The following MGST1 variants were observed in gnomAD, a reference collection of about 807,000 sequenced individuals.
The protein encoded by MGST1 is glutathione S-transferase 12.
A neutral mutation model predicts 8.9 loss-of-function variants in MGST1; 5 were observed. The ratio of observed to expected loss-of-function variants is 0.56; its 90% CI spans 0.29 to 1.19. The LOEUF is 1.19. MGST1 is among the 50% of genes most tolerant of loss of function. The pLI, the probability that MGST1 is intolerant of heterozygous loss-of-function variation, is 0.08. For synonymous variants in MGST1, 54 were observed against 67.8 expected, an observed-to-expected ratio of 0.80 and a Z score of 1.00; for missense variants, 182 against 187.4, an observed-to-expected ratio of 0.97 and a Z score of 0.17.
intron 4 of MGST1, among the ~76,000 whole-genome samples, chr12:16,527,523 C>G (rs576549142): frequency 1.3e-5 from 2 of 151,926 alleles, no homozygotes; most frequent in Non-Finnish European, 2.9e-5. Context: ...GATTATAAAA[C>G]AAGTTGTTAA....
Position 16,547,191 on chromosome 12 carries a change from A to G in MGST1, n.483-42337A>G, listed in dbSNP as rs1485064711. ...CTTCGTTTATGATACTAATCACACA[A>G]TTACCTACAGGCATGTGTTAAACTT... On this transcript the variant is annotated intron_variant and non_coding_transcript_variant, in intron 4 of 4. Coordinates refer to the MGST1 transcript ENST00000538857. The surrounding 1 kb of genome is among the most constrained non-coding windows in gnomAD (Gnocchi z 4.6). Among the ~76,000 whole-genome samples, 8 of 152,132 alleles carry G rather than the reference A, an allele frequency of 5.3e-5. 1 individual carries two copies. In the South Asian group the frequency reaches 6.2e-4, roughly 12 times the overall value.
rs1187690261 is a variant in MGST1 at position 16,582,449 on chromosome 12, G to GT, written n.483-7078dup. ...TTATATTTTATATTGTCTTTATCAG[G>GT]TCAAGGTACTGTATTAGAGTTATGT... On this transcript the variant is annotated intron_variant and non_coding_transcript_variant, in intron 4 of 4. Coordinates refer to the MGST1 transcript ENST00000538857. The surrounding 1 kb of genome is among the most constrained non-coding windows in gnomAD (Gnocchi z 4.1). Among the ~76,000 whole-genome samples, 1 of 152,132 alleles carries GT rather than the reference G, an allele frequency of 6.6e-6. No homozygotes were observed. Among genetic ancestry groups the GT allele is most frequent in the Non-Finnish European group, 1.5e-5 (1 of 68,014 alleles).
At chr12:16,588,144 C>T (rs1280247501) in intron 4 of MGST1, among the ~76,000 whole-genome samples, 1 of 152,034 alleles carries the variant, frequency 6.6e-6, no homozygotes, top group Non-Finnish European at 1.5e-5. Context: ...CCAAGAAATG[C>T]TTAAAAAATT....
chr12:16,486,898 G>A (rs539312489), intron 4 of MGST1, among the ~76,000 whole-genome samples: 3 of 151,282 alleles, frequency 2.0e-5, no homozygotes, highest in East Asian at 1.9e-4. Context: ...TCCTGTAATT[G>A]CAGGACTCGC....
At chr12:16,561,647 A>G (rs1942410238) in intron 4 of MGST1, among the ~76,000 whole-genome samples, 1 of 152,226 alleles carries the variant, frequency 6.6e-6, no homozygotes, top group Non-Finnish European at 1.5e-5. Context: ...GAAGTCTCTC[A>G]TTACTTTCTG....
chr12:16,438,710 G>T (rs2137100693), exon 2 of MGST1: 1 of 151,674 alleles, frequency 6.6e-6, no homozygotes, highest in East Asian at 2.0e-4. Context: ...TATCTCTTTT[G>T]TGCATCACAC....
At chr12:16,588,548 C>T (rs143008455) in intron 4 of MGST1, among the ~76,000 whole-genome samples, 1 of 152,042 alleles carries the variant, frequency 6.6e-6, no homozygotes, top group Non-Finnish European at 1.5e-5. Flanking sequence ...AAAACTATCA[C>T]CTCAGTTACA....
At chr12:16,489,210 G>T (rs1459350232) in intron 4 of MGST1, among the ~76,000 whole-genome samples, 1 of 151,944 alleles carries the variant, frequency 6.6e-6, no homozygotes, top group East Asian at 1.9e-4. Context: ...AAACAATTTT[G>T]GGCCATTATA....
chr12:16,358,342 T>G (rs1939824143), intron 3 of MGST1, among the ~76,000 whole-genome samples: 1 of 152,242 alleles, frequency 6.6e-6, no homozygotes, highest in Non-Finnish European at 1.5e-5. Context: ...TTTGTGTTTA[T>G]GTACCCAGTG....
At chr12:16,473,555 C>T (rs1311136237) in intron 4 of MGST1, among the ~76,000 whole-genome samples, 2 of 152,140 alleles carry the variant, frequency 1.3e-5, no homozygotes, top group Non-Finnish European at 1.5e-5. Flanking sequence ...TTTTTTAGTT[C>T]ACCTCTGTAA....
At chr12:16,391,267 C>A (rs1219240259) in intron 1 of MGST1, among the ~76,000 whole-genome samples, 5 of 151,834 alleles carry the variant, frequency 3.3e-5, no homozygotes, top group Non-Finnish European at 4.4e-5. Context: ...AGGTTTTAAG[C>A]CCCACATACA....
intron 4 of MGST1, among the ~76,000 whole-genome samples, chr12:16,488,170 GCTTT>G (rs1482904720): frequency 2.0e-5 from 3 of 152,152 alleles, no homozygotes; most frequent in African/African-American, 7.2e-5. Context: ...GGAGAATATT[GCTTT>G]CTTTATAAAT....
chr12:16,498,498 T>C (rs1941484317), intron 4 of MGST1, among the ~76,000 whole-genome samples: 2 of 152,190 alleles, frequency 1.3e-5, no homozygotes, highest in Admixed American at 6.5e-5. Context: ...CGTGGATTTA[T>C]CCAGCTAAGG....
rs150672651 is a variant in MGST1, at chr12:16,389,338, T to G, written n.778+5734T>G. Among the ~76,000 whole-genome samples the G allele has an allele frequency of 6.6e-6, 1 of 152,330 alleles. No individual in the cohort carries two copies. Among genetic ancestry groups the G allele is most frequent in the East Asian group, 1.9e-4 (1 of 5,180 alleles). On this transcript the variant is annotated intron_variant and non_coding_transcript_variant, in intron 1 of 1. Coordinates refer to the MGST1 transcript ENST00000359720. The surrounding 1 kb of genome is among the most constrained non-coding windows in gnomAD (Gnocchi z 4.6). ...TGCAAGAGCACAACTTGCCTAAAAA[T>G]AATGTTGAGAATAGTGGTTAAGTGT...
intron 3 of MGST1, among the ~76,000 whole-genome samples, chr12:16,371,949 A>G (rs1341952683): frequency 6.6e-6 from 1 of 152,112 alleles, no homozygotes; most frequent in African/African-American, 2.4e-5. Context: ...CAGTCTCTTC[A>G]ATAAATGCTA....
chr12:16,468,398 G>A (rs80142876), intron 4 of MGST1, among the ~76,000 whole-genome samples: 2 of 476 alleles, frequency 4.2e-3, no homozygotes, highest in Non-Finnish European at 0.016. Flanking sequence ...ATCGGGTCTC[G>A]TTGTTGGATG....
intron 4 of MGST1, among the ~76,000 whole-genome samples, chr12:16,496,311 A>C (rs1293846118): frequency 6.6e-6 from 1 of 152,038 alleles, no homozygotes; most frequent in African/African-American, 2.4e-5. Context: ...TACACACTGT[A>C]CTCTGCAGCA....
rs1483999157 is a variant in MGST1 at position 16,401,312 on chromosome 12, G to T, written n.778+17708G>T. The T allele has an allele frequency of 3.4e-6, 5 of 1,457,914 alleles. No homozygotes were observed. Among genetic ancestry groups the T allele is most frequent in the Non-Finnish European group, 2.9e-6 (3 of 1,041,500 alleles). The allele number at this position is 1,457,914 out of a possible 1,614,324, so 90.3% of individuals were successfully genotyped here. On this transcript the variant is annotated intron_variant and non_coding_transcript_variant, in intron 1 of 1. Transcript: ENST00000359720. The surrounding 1 kb of genome is among the most constrained non-coding windows in gnomAD (Gnocchi z 4.3). Reference sequence around the variant, plus strand: ...ATGCTGAAAACCATTCCTGTCTTCAGTTTGTATTGATTTTTACTATTGATT... The same window carrying T: ...ATGCTGAAAACCATTCCTGTCTTCATTTTGTATTGATTTTTACTATTGATT...
rs534427397 is a variant in MGST1 at position 16,484,071 on chromosome 12, A to G, written n.482+100467A>G. Among the ~76,000 whole-genome samples the G allele has an allele frequency of 1.2e-4, 19 of 152,350 alleles. No individual in the cohort carries two copies. In the South Asian group the frequency reaches 3.9e-3, roughly 32 times the overall value. On this transcript the variant is annotated intron_variant and non_coding_transcript_variant, in intron 4 of 4. Coordinates refer to the MGST1 transcript ENST00000538857. ...AACTACGTATGCCCACATATCTGCA[A>G]TTAAAAATATCCTCAAAGCAAAAAT...
Sources: gnomAD v4.1 joint callset for allele counts (sites outside exome capture counted in the v4.1 genomes callset) on GRCh38, gnomAD v4.1.1 for gene constraint, Gnocchi (gnomAD v3.1) non-coding constraint, MANE v1.5 for transcripts, NCBI Gene and HGNC (gene_info 2026-07-23, HGNC 2026-07-21) for gene names.